AP1B1: variants seen among roughly 807,000 people sequenced by gnomAD.
AP1B1 encodes adaptor related protein complex 1 subunit beta 1, also known as AP-1 complex subunit beta-1.
AP1B1 carries 36 observed loss-of-function variants against 104.3 expected under a neutral mutation model. The ratio of observed to expected loss-of-function variants is 0.35; its 90% CI spans 0.26 to 0.46. The LOEUF (loss-of-function observed/expected upper bound fraction) is 0.46, where lower values mean the gene tolerates loss of function less well. Ranked by LOEUF, AP1B1 falls within the 20% of genes least tolerant of loss-of-function variation. The pLI is 1.00. For synonymous variants in AP1B1, 504 were observed against 517.5 expected (o/e 0.97, Z 0.35); for missense variants, 901 against 1,247.9 (o/e 0.72, Z 4.19).
At chr22:29,376,987 G>A (rs1403141603) in intron 1 of AP1B1, among the ~76,000 whole-genome samples, 1 of 152,112 alleles carries the variant, frequency 6.6e-6, no homozygotes, top group Admixed American at 6.5e-5. Context: ...CTTGAGGTCA[G>A]GAGATTGGGA....
chr22:29,351,626 C>T, intron 8 of AP1B1, 79 bp downstream of exon 8: 2 of 1,563,008 alleles, frequency 1.3e-6, no homozygotes, highest in Non-Finnish European at 1.7e-6. Context: ...GACTGGTCAC[C>T]TGGGCCAGAG....
At chr22:29,372,514 T>C (rs566509398) in intron 1 of AP1B1, among the ~76,000 whole-genome samples, 1 of 151,680 alleles carries the variant, frequency 6.6e-6, no homozygotes, top group Non-Finnish European at 1.5e-5. Flanking sequence ...GTTTTCTAGA[T>C]GTATAAAGAA....
rs913498177 is a variant in AP1B1 at position 29,327,724 on chromosome 22, G to T, written c.*1097C>A. On this transcript the variant is annotated 3_prime_UTR_variant, in exon 23 of 23. Coordinates refer to ENST00000357586, the MANE Select transcript of AP1B1 (RefSeq NM_001127.4). ...TCATTTTCTCTTTCTGAAAATAAGA[G>T]TAAACATACAATATATATTTTCTGA... 3 of 152,092 alleles carry T rather than the reference G, an allele frequency of 2.0e-5. No individual in the cohort carries two copies. Among genetic ancestry groups the T allele is most frequent in the Non-Finnish European group, 4.4e-5 (3 of 68,026 alleles). 9.4% of individuals were successfully genotyped at this position (152,092 alleles called of 1,614,324 possible).
intron 1 of AP1B1, among the ~76,000 whole-genome samples, chr22:29,376,819 T>C (rs141284097): frequency 6.6e-6 from 1 of 152,312 alleles, no homozygotes; most frequent in Non-Finnish European, 1.5e-5. Context: ...CCCTGGACTG[T>C]GTACCTGCTC....
chr22:29,346,164 C>G (rs1286672768), intron 11 of AP1B1, among the ~76,000 whole-genome samples: 4 of 152,214 alleles, frequency 2.6e-5, no homozygotes, highest in African/African-American at 9.6e-5. Flanking sequence ...CCAGGCCACA[C>G]AACAGGGAGG....
intron 19 of AP1B1, 147 bp downstream of exon 19, chr22:29,331,302 C>T: frequency 2.4e-6 from 2 of 838,102 alleles, no homozygotes; most frequent in South Asian, 1.5e-5. Flanking sequence ...ATACCCCTCA[C>T]TCCAGGCCCT....
intron 1 of AP1B1, chr22:29,370,733 GAGCTGCAGGGTAGCTGGTCAAAGCAC>G (rs1162518048): frequency 3.6e-4 from 55 of 152,246 alleles, no homozygotes; most frequent in East Asian, 1.2e-3. Context: ...AAAAGTGACA[GAGCTGCAGGGTAGCTGGTCAAAGCAC>G]AGCTGCAGGG....
At chr22:29,374,074 G>A (rs1160349212) in intron 1 of AP1B1, among the ~76,000 whole-genome samples, 10 of 151,278 alleles carry the variant, frequency 6.6e-5, no homozygotes, top group Non-Finnish European at 2.9e-5. Context: ...GGCGGTGCAT[G>A]CCTGTAATCA....
At chr22:29,387,719 G>T (rs1172145367) in intron 1 of AP1B1, among the ~76,000 whole-genome samples, 1 of 152,194 alleles carries the variant, frequency 6.6e-6, no homozygotes, top group Admixed American at 6.5e-5. Context: ...TCTACTACCC[G>T]AATGACCTTA....
chr22:29,371,039 C>T (rs141229016), intron 1 of AP1B1, among the ~76,000 whole-genome samples: 6 of 152,228 alleles, frequency 3.9e-5, no homozygotes, highest in African/African-American at 1.2e-4. Context: ...AAAAGTGAAA[C>T]GCTTTAGAAA....
chr22:29,355,332 T>C (rs1369918080), intron 6 of AP1B1, among the ~76,000 whole-genome samples: 1 of 151,882 alleles, frequency 6.6e-6, no homozygotes, highest in Non-Finnish European at 1.5e-5. Context: ...TGGTGGTGCA[T>C]GCCTGTAGTC....
At chr22:29,378,436 T>A (rs2148048865) in intron 1 of AP1B1, among the ~76,000 whole-genome samples, 1 of 150,416 alleles carries the variant, frequency 6.6e-6, no homozygotes, top group South Asian at 2.1e-4. Context: ...ATCTGTAGTA[T>A]CAGCTACTCA....
intron 1 of AP1B1, 77 bp downstream of exon 1, chr22:29,388,347 C>T (rs2062567731): frequency 6.6e-6 from 1 of 152,536 alleles, no homozygotes; most frequent in Non-Finnish European, 1.5e-5. Context: ...CCTCTGACCC[C>T]GCAAACCCCT....
Position 29,354,673 on chromosome 22 carries a change from G to A in AP1B1, c.915C>T (p.Asn305=). 1 of 1,614,096 alleles carries A rather than the reference G, an allele frequency of 6.2e-7. No homozygotes were observed. Among genetic ancestry groups the A allele is most frequent in the Non-Finnish European group, 8.5e-7 (1 of 1,180,038 alleles). Residue 305 remains asparagine (N), a synonymous_variant, in exon 7 of 23, where the codon AAC becomes AAT. Transcript: ENST00000357586. ...ACCTTTTCTGCACGATGAGATTGAT[G>A]TTGCGCAGGGCCACATACTGCAGCT... ...EPELQYVALR[N]INLIVQKRPE...
intron 11 of AP1B1, among the ~76,000 whole-genome samples, chr22:29,344,675 C>T (rs1329038338): frequency 6.6e-6 from 1 of 151,892 alleles, no homozygotes; most frequent in African/African-American, 2.4e-5. Flanking sequence ...CAGGCACACA[C>T]CATCACACCT....
Position 29,359,813 on chromosome 22 carries a change from C to A in AP1B1, c.279+11G>T. 1.2e-6 allele frequency: 2 copies of A among 1,610,538 alleles called. No individual in the cohort carries two copies. Among genetic ancestry groups the A allele is most frequent in the Non-Finnish European group, 1.7e-6 (2 of 1,177,972 alleles). On this transcript the variant is annotated intron_variant, in intron 4 of 22. Coordinates refer to ENST00000357586, the MANE Select transcript of AP1B1 (RefSeq NM_001127.4). ...ACCCAATGTCCCCACGCCCACCAAG[C>A]GTCTGCTCACCTTCACAAAGGTGTT...
At chr22:29,381,268 CT>C (rs1177252550) in intron 1 of AP1B1, among the ~76,000 whole-genome samples, 1 of 152,144 alleles carries the variant, frequency 6.6e-6, no homozygotes, top group Non-Finnish European at 1.5e-5. Context: ...CCCTTTTTCC[CT>C]TCAAAGTACT....
At chr22:29,365,696 G>A (rs961481813) in intron 2 of AP1B1, among the ~76,000 whole-genome samples, 1 of 151,584 alleles carries the variant, frequency 6.6e-6, no homozygotes, top group African/African-American at 2.4e-5. Context: ...CACCTGGGGC[G>A]CCACTGTGCC....
rs1187666206 is a variant in AP1B1 at position 29,328,137 on chromosome 22, CCA to C, written c.*682_*683del. On this transcript the variant is annotated 3_prime_UTR_variant, in exon 23 of 23. Coordinates refer to ENST00000357586, the MANE Select transcript of AP1B1 (RefSeq NM_001127.4). The surrounding 1 kb of genome is among the most constrained non-coding windows in gnomAD (Gnocchi z 4.1). ...TGGGGAGTTGGGGATAGTGCAGCTG[CCA>C]GTCGGTGGGGAGCCCGAGACAGGGG... 1 of 152,816 alleles carries C rather than the reference CCA, an allele frequency of 6.5e-6. No individual in the cohort carries two copies. Among genetic ancestry groups the C allele is most frequent in the Non-Finnish European group, 1.5e-5 (1 of 68,194 alleles). 9.5% of individuals were successfully genotyped at this position (152,816 alleles called of 1,614,324 possible).
Sources: allele counts gnomAD v4.1 joint callset (sites outside exome capture counted in the v4.1 genomes callset), GRCh38; gene constraint gnomAD v4.1.1; non-coding constraint Gnocchi (gnomAD v3.1); transcripts MANE v1.5; gene names NCBI Gene and HGNC (gene_info 2026-07-23, HGNC 2026-07-21).